Variants in CDH4 observed in about 807,000 individuals in gnomAD.
CDH4 encodes the protein cadherin 4.
Under a neutral mutation model 86.0 loss-of-function variants are expected in CDH4, and 33 were observed. The ratio of observed to expected loss-of-function variants is 0.38; its 90% CI spans 0.29 to 0.51. The LOEUF is 0.51. CDH4 is among the 20% of genes least tolerant of loss of function. The pLI is 0.86. For synonymous variants in CDH4, 555 were observed against 549.4 expected (o/e 1.01, Z -0.14); for missense variants, 1,114 against 1,307.4 (o/e 0.85, Z 2.28).
At chr20:61,498,642 A>G (rs2085679006) in intron 2 of CDH4, among the ~76,000 whole-genome samples, 1 of 152,128 alleles carries the variant, frequency 6.6e-6, no homozygotes, top group African/African-American at 2.4e-5. Context: ...TTTAACCAGG[A>G]TCTCCAGAAT....
chr20:61,652,449 CTG>C (rs1213044434), intron 2 of CDH4, among the ~76,000 whole-genome samples: 1 of 152,188 alleles, frequency 6.6e-6, no homozygotes, highest in East Asian at 1.9e-4. Flanking sequence ...TATGAGATAA[CTG>C]TCGTCTATTT....
chr20:61,646,174 G>A (rs187695263), intron 2 of CDH4, among the ~76,000 whole-genome samples: 91 of 152,158 alleles, frequency 6.0e-4, no homozygotes, highest in African/African-American at 2.0e-3. Context: ...CCCGCGGTGG[G>A]AAGTCAGCTC....
At chr20:61,365,684 C>T (rs1054124026) in intron 2 of CDH4, among the ~76,000 whole-genome samples, 2 of 152,098 alleles carry the variant, frequency 1.3e-5, no homozygotes, top group African/African-American at 2.4e-5. Flanking sequence ...TACTCATTGA[C>T]GCAGCAGAGT....
At chr20:61,784,635 G>T (rs6121470) in intron 4 of CDH4, among the ~76,000 whole-genome samples, 6 of 54,314 alleles carry the variant, frequency 1.1e-4, no homozygotes, top group Admixed American at 2.2e-4. Context: ...GAGAATGTAA[G>T]CCCAGTTCCT....
chr20:61,920,174 GTGAC>G (rs2054959146), intron 9 of CDH4, among the ~76,000 whole-genome samples: 1 of 144,844 alleles, frequency 6.9e-6, no homozygotes, highest in South Asian at 2.2e-4. Flanking sequence ...TGGCGTCACA[GTGAC>G]TGCGTGGAAG....
At chr20:61,756,643 C>T (rs945277682) in intron 3 of CDH4, among the ~76,000 whole-genome samples, 4 of 151,918 alleles carry the variant, frequency 2.6e-5, no homozygotes, top group African/African-American at 9.7e-5. Flanking sequence ...GCCCTTCACC[C>T]TGAGAGCGGA....
chr20:61,408,923 T>C (rs2085099277), intron 2 of CDH4, among the ~76,000 whole-genome samples: 2 of 152,178 alleles, frequency 1.3e-5, no homozygotes, highest in Non-Finnish European at 2.9e-5. Flanking sequence ...GACTGGGTCC[T>C]ACACACACAG....
At chr20:61,732,593 C>T (rs757047623) in intron 2 of CDH4, among the ~76,000 whole-genome samples, 3 of 152,200 alleles carry the variant, frequency 2.0e-5, no homozygotes, top group Non-Finnish European at 4.4e-5. Flanking sequence ...TCTCTTCATT[C>T]AGGTTGGCCT....
At chr20:61,535,605 A>G (rs2085990257) in intron 2 of CDH4, among the ~76,000 whole-genome samples, 1 of 152,210 alleles carries the variant, frequency 6.6e-6, no homozygotes, top group African/African-American at 2.4e-5. Flanking sequence ...GCAGGATGAA[A>G]ACGCGGGGGC....
At chr20:61,706,640 G>A (rs1283440717) in intron 2 of CDH4, among the ~76,000 whole-genome samples, 7 of 152,114 alleles carry the variant, frequency 4.6e-5, no homozygotes, top group Non-Finnish European at 8.8e-5. Flanking sequence ...AAGACCAAAG[G>A]GATCGGTTTC....
intron 6 of CDH4, among the ~76,000 whole-genome samples, chr20:61,870,132 C>T (rs538047311): frequency 6.6e-6 from 1 of 152,300 alleles, no homozygotes; most frequent in East Asian, 1.9e-4. Context: ...CCCTCCACCT[C>T]CCCCAGCCAG....
chr20:61,316,240 G>A (rs1204054602), intron 2 of CDH4, among the ~76,000 whole-genome samples: 1 of 152,230 alleles, frequency 6.6e-6, no homozygotes, highest in Admixed American at 6.5e-5. Flanking sequence ...CTTCTTGACA[G>A]ATCTGCATTT....
At chr20:61,816,691 G>C (rs966908048) in intron 4 of CDH4, among the ~76,000 whole-genome samples, 10 of 151,922 alleles carry the variant, frequency 6.6e-5, no homozygotes, top group Admixed American at 2.6e-4. Context: ...CGTTAAATGG[G>C]GGGGGGCGGT....
At chr20:61,841,055 C>A (rs905251754) in intron 4 of CDH4, among the ~76,000 whole-genome samples, 1 of 152,248 alleles carries the variant, frequency 6.6e-6, no homozygotes, top group African/African-American at 2.4e-5. Context: ...CAATAGCGCA[C>A]AGTGAATCTA....
rs183071118 is a variant in CDH4, at chr20:61,809,541, G to A, written c.577-35127G>A. Among the ~76,000 whole-genome samples the A allele has an allele frequency of 2.6e-5, 4 of 152,288 alleles. No homozygotes were observed. The South Asian group carries it at 6.2e-4, about 24-fold the overall frequency. ...AATTATAGCCATACATACTCGACACGGGACTAATGAGTGTTCATGCTTGGA... is the reference window on the plus strand; with the variant it reads ...AATTATAGCCATACATACTCGACACAGGACTAATGAGTGTTCATGCTTGGA... On this transcript the variant is annotated intron_variant, in intron 4 of 15. Coordinates refer to ENST00000614565, the MANE Select transcript of CDH4 (RefSeq NM_001794.5).
intron 2 of CDH4, among the ~76,000 whole-genome samples, chr20:61,314,387 C>T (rs1311258634): frequency 6.6e-6 from 1 of 152,192 alleles, no homozygotes. Context: ...CTGGGCCTGG[C>T]TTGTTTTATT....
chr20:61,554,746 T>A (rs112406450), intron 2 of CDH4, among the ~76,000 whole-genome samples: 1 of 152,268 alleles, frequency 6.6e-6, no homozygotes, highest in African/African-American at 2.4e-5. Context: ...TACATGTACA[T>A]GCATGAACAT....
intron 2 of CDH4, among the ~76,000 whole-genome samples, chr20:61,433,619 C>T (rs1280259320): frequency 1.3e-5 from 2 of 152,088 alleles, no homozygotes; most frequent in Non-Finnish European, 2.9e-5. Context: ...GCAACTTGTA[C>T]GTGAGTTCTA....
At chr20:61,775,671 C>G (rs2088832307) in intron 4 of CDH4, among the ~76,000 whole-genome samples, 1 of 152,210 alleles carries the variant, frequency 6.6e-6, no homozygotes, top group African/African-American at 2.4e-5. Context: ...AAGCCACCCT[C>G]ACAGGCACAG....
Sources: gnomAD v4.1 joint callset for allele counts (sites outside exome capture counted in the v4.1 genomes callset) on GRCh38, gnomAD v4.1.1 for gene constraint, MANE v1.5 for transcripts, NCBI Gene and HGNC (gene_info 2026-07-23, HGNC 2026-07-21) for gene names.